Variants in ZNF600 observed in about 807,000 individuals in gnomAD.
The protein encoded by ZNF600 is zinc finger protein KR-ZNF1.
In ZNF600, 4 loss-of-function variants were observed where a neutral mutation model predicts 7.3. The observed-to-expected ratio is 0.55, with a 90% CI of 0.27 to 1.25. The LOEUF (loss-of-function observed/expected upper bound fraction) is 1.25. Among genes scored for constraint, ZNF600 ranks in the 50% most tolerant of loss-of-function variants. The pLI is 0.12. For missense variants in ZNF600, 911 were observed against 922.1 expected, an observed-to-expected ratio of 0.99 and a Z score of 0.16; for synonymous variants, 290 against 308.9, an observed-to-expected ratio of 0.94 and a Z score of 0.64.
the ZNF600 span, among the ~76,000 whole-genome samples, chr19:52,802,201 T>A: frequency 8.6e-3 from 1,307 of 152,216 alleles, 8 homozygotes; most frequent in Admixed American, 0.012. Flanking sequence ...ACTGACAAGA[T>A]AACAAAAGAT....
chr19:52,822,925 G>A, the ZNF600 span, among the ~76,000 whole-genome samples: 3 of 152,092 alleles, frequency 2.0e-5, no homozygotes, highest in Non-Finnish European at 4.4e-5. Flanking sequence ...ACCTGGAAAC[G>A]TCAACTCCAA....
chr19:52,832,814 T>A, the ZNF600 span, among the ~76,000 whole-genome samples: 175 of 152,100 alleles, frequency 1.2e-3, no homozygotes, highest in African/African-American at 4.1e-3. Flanking sequence ...CCCTGTTGCC[T>A]AGGCTGGAGT....
the ZNF600 span, among the ~76,000 whole-genome samples, chr19:52,815,641 A>G: frequency 4.0e-4 from 59 of 146,316 alleles, 5 homozygotes; most frequent in Middle Eastern, 3.4e-3. Flanking sequence ...TGGCTACCAC[A>G]ATGAAACCCC....
At chr19:52,798,137 AAAAAAAG>A in the ZNF600 span, 1 of 157,948 alleles carries the variant, frequency 6.3e-6, no homozygotes, top group East Asian at 1.9e-4. Flanking sequence ...AACAAAAACA[AAAAAAAG>A]AAAAAAGAAA....
chr19:52,799,076 A>G, the ZNF600 span: 1 of 452,794 alleles, frequency 2.2e-6, no homozygotes. Context: ...TGTGACTGAC[A>G]ACTTTGTCAC....
chr19:52,778,216 G>T (rs2062692383), intron 2 of ZNF600, among the ~76,000 whole-genome samples: 2 of 151,926 alleles, frequency 1.3e-5, no homozygotes, highest in South Asian at 4.1e-4. Flanking sequence ...GTTTCACCAT[G>T]TTGGCCAGGC....
chr19:52,778,618 C>T (rs2062695385), intron 2 of ZNF600, among the ~76,000 whole-genome samples: 1 of 152,134 alleles, frequency 6.6e-6, no homozygotes, highest in South Asian at 2.1e-4. Flanking sequence ...CAGGACCATG[C>T]CCAGTGGAGC....
At chr19:52,799,688 T>G in the ZNF600 span, 21 of 1,204,582 alleles carry the variant, frequency 1.7e-5, no homozygotes, top group South Asian at 1.0e-4. Context: ...CATTACACTT[T>G]CAAGGTTTCT....
the ZNF600 span, among the ~76,000 whole-genome samples, chr19:52,819,659 C>G: frequency 7.2e-6 from 1 of 138,250 alleles, no homozygotes; most frequent in African/African-American, 3.1e-5. Context: ...GAAGGTGTGC[C>G]TGAATTCTTA....
chr19:52,820,716 CCTT>C, the ZNF600 span, among the ~76,000 whole-genome samples: 1 of 152,140 alleles, frequency 6.6e-6, no homozygotes, highest in African/African-American at 2.4e-5. Flanking sequence ...TGCTGTCTGT[CCTT>C]CATCTCTCTG....
chr19:52,815,626 C>T, the ZNF600 span, among the ~76,000 whole-genome samples: 1 of 146,482 alleles, frequency 6.8e-6, no homozygotes, highest in Non-Finnish European at 1.5e-5. Context: ...AGATCGAGAC[C>T]ATCCTGGCTA....
intron 3 of ZNF600, among the ~76,000 whole-genome samples, chr19:52,770,287 A>G (rs112411716): frequency 0.13 from 19,129 of 152,090 alleles, 1,585 homozygotes; most frequent in Non-Finnish European, 0.18. Context: ...TAAGAATACA[A>G]AAAAAACAGC....
the ZNF600 span, chr19:52,799,979 A>C: frequency 6.2e-7 from 1 of 1,612,634 alleles, no homozygotes; most frequent in Non-Finnish European, 8.5e-7. Flanking sequence ...GATGGATTAT[A>C]AGCGATGATG....
chr19:52,777,786 T>C (rs1052245177), intron 2 of ZNF600, among the ~76,000 whole-genome samples: 11 of 151,682 alleles, frequency 7.3e-5, no homozygotes, highest in African/African-American at 2.4e-4. Flanking sequence ...CCGAGATCAT[T>C]CCATTGCACT....
chr19:52,821,817 C>T, the ZNF600 span: 1 of 151,972 alleles, frequency 6.6e-6, no homozygotes, highest in Non-Finnish European at 1.5e-5. Context: ...TGTTCTCAGG[C>T]TTTTGAACCC....
intron 1 of ZNF600, among the ~76,000 whole-genome samples, chr19:52,780,083 C>CCGTGCTT (rs1171136244): frequency 6.6e-6 from 1 of 152,052 alleles, no homozygotes; most frequent in Non-Finnish European, 1.5e-5. Context: ...GAAGCCCACT[C>CCGTGCTT]CGTGCTTCAA....
chr19:52,808,170 T>A, the ZNF600 span: 1 of 1,610,456 alleles, frequency 6.2e-7, no homozygotes, highest in Non-Finnish European at 8.5e-7. Context: ...ATGGTTATGG[T>A]GGAGTTCTTA....
intron 1 of ZNF600, among the ~76,000 whole-genome samples, chr19:52,785,591 C>T (rs900771310): frequency 2.0e-5 from 3 of 152,044 alleles, no homozygotes; most frequent in Admixed American, 1.3e-4. Context: ...ATCTTTCAAT[C>T]TTCCTCAATG....
the ZNF600 span, among the ~76,000 whole-genome samples, chr19:52,802,104 T>C: frequency 6.6e-6 from 1 of 152,190 alleles, no homozygotes; most frequent in African/African-American, 2.4e-5. Flanking sequence ...AACCACACAA[T>C]ATACTATATT....
Sources: gnomAD v4.1 joint callset for allele counts (sites outside exome capture counted in the v4.1 genomes callset) on GRCh38, gnomAD v4.1.1 for gene constraint, MANE v1.5 for transcripts, NCBI Gene and HGNC (gene_info 2026-07-23, HGNC 2026-07-21) for gene names.